Variants in GAS2 observed in about 807,000 individuals in gnomAD.
GAS2 encodes the protein growth arrest-specific protein 2.
In GAS2, 20 loss-of-function variants were observed where a neutral mutation model predicts 37.5. The ratio of observed to expected loss-of-function variants is 0.53; its 90% CI spans 0.37 to 0.77. The LOEUF is 0.77. Ranked by LOEUF, GAS2 falls within the 30% of genes least tolerant of loss-of-function variation. GAS2 has a pLI of 0.00. For synonymous variants in GAS2, 144 were observed against 132.2 expected (o/e 1.09, Z -0.61); for missense variants, 336 against 373.4 (o/e 0.90, Z 0.82).
intron 3 of GAS2, among the ~76,000 whole-genome samples, chr11:22,716,372 G>A (rs1851676551): frequency 6.6e-6 from 1 of 152,186 alleles, no homozygotes; most frequent in Non-Finnish European, 1.5e-5. Context: ...CAGGCCGGGG[G>A]CTCATGACCA....
intron 2 of GAS2, 107 bp downstream of exon 2, chr11:22,675,121 G>T: frequency 9.0e-7 from 1 of 1,116,500 alleles, no homozygotes; most frequent in Non-Finnish European, 1.2e-6. Context: ...TGGAAAGAAA[G>T]ACTTTTATTA....
intron 7 of GAS2, among the ~76,000 whole-genome samples, chr11:22,774,762 A>T: frequency 6.6e-6 from 1 of 150,856 alleles, no homozygotes; most frequent in Non-Finnish European, 1.5e-5. Flanking sequence ...AGTAGAGTTT[A>T]CCTATCGTGA....
chr11:22,711,915 G>T (rs1851423052), intron 3 of GAS2, among the ~76,000 whole-genome samples: 2 of 151,994 alleles, frequency 1.3e-5, no homozygotes. Flanking sequence ...GTTTTTCTTT[G>T]CCCACCTTGG....
chr11:22,729,067 TGG>T, intron 4 of GAS2, among the ~76,000 whole-genome samples: 1 of 151,512 alleles, frequency 6.6e-6, no homozygotes, highest in East Asian at 1.9e-4. Context: ...TTCATTTCAG[TGG>T]CACAGAAGAT....
chr11:22,705,382 A>G (rs1696826931), intron 3 of GAS2, among the ~76,000 whole-genome samples: 1 of 152,052 alleles, frequency 6.6e-6, no homozygotes, highest in Non-Finnish European at 1.5e-5. Flanking sequence ...GTTTTATCTG[A>G]GGCCTTCCCT....
At chr11:22,757,960 G>A (rs867697336) in intron 7 of GAS2, among the ~76,000 whole-genome samples, 47 of 152,242 alleles carry the variant, frequency 3.1e-4, no homozygotes, top group African/African-American at 1.0e-3. Context: ...GCCTTGAATT[G>A]TATATTTTTC....
chr11:22,690,003 C>T (rs778533858), intron 3 of GAS2, among the ~76,000 whole-genome samples: 1 of 152,202 alleles, frequency 6.6e-6, no homozygotes, highest in Admixed American at 6.5e-5. Flanking sequence ...CAAACTTGAT[C>T]CCATCCAAAG....
At chr11:22,707,734 G>T (rs1851195706) in intron 3 of GAS2, among the ~76,000 whole-genome samples, 1 of 152,162 alleles carries the variant, frequency 6.6e-6, no homozygotes, top group African/African-American at 2.4e-5. Context: ...CAGGAATAGT[G>T]AATAGAAAAA....
At chr11:22,755,450 C>T (rs1394706124) in intron 6 of GAS2, among the ~76,000 whole-genome samples, 1 of 152,012 alleles carries the variant, frequency 6.6e-6, no homozygotes, top group Non-Finnish European at 1.5e-5. Flanking sequence ...ACTGAAGTAA[C>T]ATAAACTCTA....
chr11:22,755,707 T>A (rs772736839), intron 6 of GAS2, 139 bp from the exon 7 acceptor site: 1 of 592,264 alleles, frequency 1.7e-6, no homozygotes, highest in Non-Finnish European at 3.0e-6. Flanking sequence ...AATGTGATAT[T>A]CCTATGCTCA....
At chr11:22,656,968 T>A (rs761573389) in intron 1 of GAS2, among the ~76,000 whole-genome samples, 3 of 152,202 alleles carry the variant, frequency 2.0e-5, no homozygotes, top group Non-Finnish European at 4.4e-5. Context: ...CCAGTGAGTA[T>A]GATCACTATA....
chr11:22,626,303 G>T (rs550588317), intron 1 of GAS2: 1 of 174,742 alleles, frequency 5.7e-6, no homozygotes, highest in Non-Finnish European at 1.3e-5. Flanking sequence ...AATGCCAGGC[G>T]CTATGCTGAA....
upstream of GAS2, among the ~76,000 whole-genome samples, chr11:22,661,787 AACCATCTGTTAATTGAG>A (rs1848920090): frequency 6.6e-6 from 1 of 152,222 alleles, no homozygotes. Context: ...TTTGTAATGA[AACCATCTGTTAATTGAG>A]ACCTTACCTC....
Position 22,800,307 on chromosome 11 carries a change from C to CT in GAS2, c.724-11490dup, listed in dbSNP as rs1163772621. On this transcript the variant is annotated intron_variant, in intron 7 of 7. Coordinates refer to ENST00000454584, the MANE Select transcript of GAS2 (RefSeq NM_001143830.3). ...TATGCTTCTGACCACCATGGGGATGCTGATGTCCTCCCCTTACCCCTACTA... is the reference window on the plus strand; with the variant it reads ...TATGCTTCTGACCACCATGGGGATGCTTGATGTCCTCCCCTTACCCCTACTA... Among the ~76,000 whole-genome samples, 4 of 152,108 alleles carry CT rather than the reference C, an allele frequency of 2.6e-5. No homozygotes were observed. In the East Asian group the frequency reaches 7.7e-4, roughly 29 times the overall value.
intron 3 of GAS2, among the ~76,000 whole-genome samples, chr11:22,715,209 T>A (rs1272141644): frequency 1.3e-5 from 2 of 151,812 alleles, no homozygotes; most frequent in Non-Finnish European, 2.9e-5. Flanking sequence ...ACACCTGTAA[T>A]CCAGCACTTT....
At chr11:22,780,555 C>T (rs1274326438) in intron 7 of GAS2, among the ~76,000 whole-genome samples, 5 of 63,312 alleles carry the variant, frequency 7.9e-5, no homozygotes, top group African/African-American at 2.6e-4. Context: ...AAGACTCTGT[C>T]TCAAAAAAAA....
intron 7 of GAS2, among the ~76,000 whole-genome samples, chr11:22,785,707 A>T (rs1005610062): frequency 1.4e-4 from 22 of 151,996 alleles, no homozygotes; most frequent in Admixed American, 5.2e-4. Context: ...TTGCCATTCA[A>T]AGTCCTAGAT....
chr11:22,742,618 G>C (rs148415103), intron 5 of GAS2, among the ~76,000 whole-genome samples: 1 of 152,060 alleles, frequency 6.6e-6, no homozygotes, highest in African/African-American at 2.4e-5. Context: ...TTGGGACTTA[G>C]TGTTGATTTT....
At position 22,812,091 on chromosome 11, in the gene GAS2, A is replaced by G. The variant is rs537722640; in HGVS notation, c.*75A>G. The G allele has an allele frequency of 1.2e-4, 135 of 1,090,468 alleles. No homozygotes were observed. The East Asian group carries it at 3.1e-3, about 25-fold the overall frequency. The allele number at this position is 1,090,468 out of a possible 1,614,324, so 67.5% of individuals were successfully genotyped here. On this transcript the variant is annotated 3_prime_UTR_variant, in exon 8 of 8. Coordinates refer to ENST00000454584, the MANE Select transcript of GAS2 (RefSeq NM_001143830.3). ...CTCCAGTATAGTCAGTTTAGTTCATATGTTCTGAAAACTGTTTTGGAGAAA... is the reference window on the plus strand; with the variant it reads ...CTCCAGTATAGTCAGTTTAGTTCATGTGTTCTGAAAACTGTTTTGGAGAAA...
Sources: gnomAD v4.1 joint callset for allele counts (sites outside exome capture counted in the v4.1 genomes callset) on GRCh38, gnomAD v4.1.1 for gene constraint, MANE v1.5 for transcripts, NCBI Gene and HGNC (gene_info 2026-07-23, HGNC 2026-07-21) for gene names.